STAU1: variants seen among roughly 807,000 people sequenced by gnomAD.
STAU1 encodes the protein staufen double-stranded RNA binding protein 1.
In STAU1, 13 loss-of-function variants were observed where a neutral mutation model predicts 62.9. The observed-to-expected ratio is 0.21, with a 90% CI of 0.13 to 0.33. STAU1 has a LOEUF of 0.33. STAU1 is among the 10% of genes least tolerant of loss of function. The pLI is 1.00. For missense variants in STAU1, 571 were observed against 712.1 expected, an observed-to-expected ratio of 0.80 and a Z score of 2.25; for synonymous variants, 269 against 265.1, an observed-to-expected ratio of 1.01 and a Z score of -0.14.
At chr20:49,203,889 G>A in the STAU1 span, among the ~76,000 whole-genome samples, 1 of 152,136 alleles carries the variant, frequency 6.6e-6, no homozygotes, top group Non-Finnish European at 1.5e-5. Context: ...GTTTCATCAT[G>A]TTGGCCAGAC....
intron 2 of STAU1, among the ~76,000 whole-genome samples, chr20:49,171,215 C>T (rs1216129585): frequency 1.3e-5 from 2 of 152,234 alleles, no homozygotes; most frequent in Admixed American, 1.3e-4. Flanking sequence ...GAATAAACCA[C>T]TTTTTCTACA....
At chr20:49,128,063 C>T (rs200901525) in intron 6 of STAU1, among the ~76,000 whole-genome samples, 2 of 151,750 alleles carry the variant, frequency 1.3e-5, no homozygotes, top group East Asian at 2.0e-4. Context: ...GCAGGAGAAT[C>T]GCTTGAACCC....
At chr20:49,120,419 C>T (rs1168322183) in intron 8 of STAU1, among the ~76,000 whole-genome samples, 1 of 152,166 alleles carries the variant, frequency 6.6e-6, no homozygotes, top group Non-Finnish European at 1.5e-5. Context: ...AGGGTCTGCC[C>T]AGCTATTGCA....
At chr20:49,196,395 CCACTG>C in the STAU1 span, among the ~76,000 whole-genome samples, 1 of 150,036 alleles carries the variant, frequency 6.7e-6, no homozygotes, top group East Asian at 1.9e-4. Context: ...TGAGATCGCG[CCACTG>C]CACTCCAGCC....
chr20:49,168,609 C>A (rs2093557320), intron 2 of STAU1, among the ~76,000 whole-genome samples: 1 of 151,630 alleles, frequency 6.6e-6, no homozygotes, highest in South Asian at 2.1e-4. Context: ...GAAAATGCAA[C>A]AAACAATACT....
intron 1 of STAU1, among the ~76,000 whole-genome samples, chr20:49,175,948 C>T (rs1600860474): frequency 6.6e-6 from 1 of 152,198 alleles, no homozygotes; most frequent in African/African-American, 2.4e-5. Flanking sequence ...GCGCCCGCCA[C>T]CTCGCCCGGC....
intron 5 of STAU1, among the ~76,000 whole-genome samples, chr20:49,142,731 T>TAGGAACAAAGCAGCCAGTA (rs1255547133): frequency 6.6e-6 from 1 of 152,196 alleles, no homozygotes; most frequent in Non-Finnish European, 1.5e-5. Context: ...GGAGTATCAT[T>TAGGAACAAAGCAGCCAGTA]AGGAACAAAG....
intron 13 of STAU1, among the ~76,000 whole-genome samples, chr20:49,115,364 T>G (rs2092293614): frequency 6.6e-6 from 1 of 152,010 alleles, no homozygotes; most frequent in African/African-American, 2.4e-5. Context: ...GCAGTGGCGC[T>G]ATGTCGGCTC....
intron 5 of STAU1, among the ~76,000 whole-genome samples, chr20:49,141,290 T>C (rs1442934750): frequency 2.0e-5 from 3 of 152,156 alleles, no homozygotes; most frequent in African/African-American, 7.2e-5. Context: ...TTTTTTTCTG[T>C]TTTAAGAAAA....
chr20:49,191,727 A>G (rs370898011), upstream of STAU1, among the ~76,000 whole-genome samples: 9 of 152,274 alleles, frequency 5.9e-5, no homozygotes, highest in African/African-American at 2.2e-4. Context: ...GGGATATATC[A>G]GAATCTAAGA....
chr20:49,164,378 G>A (rs565695173), intron 3 of STAU1, among the ~76,000 whole-genome samples: 2 of 151,874 alleles, frequency 1.3e-5, no homozygotes, highest in South Asian at 4.2e-4. Flanking sequence ...ACAGCTCATG[G>A]CAGCCTCGAC....
chr20:49,172,416 T>G (rs1380098162), intron 2 of STAU1, among the ~76,000 whole-genome samples: 3 of 152,240 alleles, frequency 2.0e-5, no homozygotes, highest in Non-Finnish European at 4.4e-5. Context: ...TAATCTAAAC[T>G]TATACAAACA....
Position 49,119,913 on chromosome 20 carries a change from T to C in STAU1, c.1113+69A>G. On this transcript the variant is annotated intron_variant, in intron 9 of 13. Transcript: ENST00000371856. Reference sequence around the variant, plus strand: ...AAAGCCTTGCCTTGAAGCCTGCCCCTGGAGGTGCCCCAGTTCCCTAGGGTG... The same window carrying C: ...AAAGCCTTGCCTTGAAGCCTGCCCCCGGAGGTGCCCCAGTTCCCTAGGGTG... 1.9e-6 allele frequency: 3 copies of C among 1,556,112 alleles called. No individual in the cohort carries two copies. The South Asian group carries it at 3.6e-5, about 19-fold the overall frequency.
intron 5 of STAU1, among the ~76,000 whole-genome samples, chr20:49,149,417 C>T (rs1208376393): frequency 1.3e-5 from 2 of 152,050 alleles, no homozygotes; most frequent in Admixed American, 1.3e-4. Context: ...ATTAGAATCC[C>T]GGGGTTGGGC....
the STAU1 span, among the ~76,000 whole-genome samples, chr20:49,199,518 C>T: frequency 1.3e-5 from 2 of 151,374 alleles, no homozygotes; most frequent in Non-Finnish European, 2.9e-5. Context: ...CCTGAGCCAC[C>T]GCGCCCGGCC....
chr20:49,197,928 C>T, the STAU1 span, among the ~76,000 whole-genome samples: 1 of 152,092 alleles, frequency 6.6e-6, no homozygotes, highest in Non-Finnish European at 1.5e-5. Flanking sequence ...AGGCTGGTCT[C>T]TAACTCCTGG....
chr20:49,219,040 CA>C, the STAU1 span, among the ~76,000 whole-genome samples: 3 of 132,368 alleles, frequency 2.3e-5, no homozygotes, highest in East Asian at 2.2e-4. Context: ...AAAAAAAAGA[CA>C]AAAAATTACT....
At chr20:49,128,141 C>T (rs562947780) in intron 6 of STAU1, among the ~76,000 whole-genome samples, 1 of 149,352 alleles carries the variant, frequency 6.7e-6, no homozygotes, top group East Asian at 2.0e-4. Context: ...AAGAGCGAAA[C>T]TCTGTCTCAG....
chr20:49,213,196 C>G, the STAU1 span, among the ~76,000 whole-genome samples: 1 of 151,452 alleles, frequency 6.6e-6, no homozygotes, highest in East Asian at 1.9e-4. Context: ...GTATTTTTTG[C>G]AGCAATGGGG....
Sources: allele counts gnomAD v4.1 joint callset (sites outside exome capture counted in the v4.1 genomes callset), GRCh38; gene constraint gnomAD v4.1.1; transcripts MANE v1.5; gene names NCBI Gene and HGNC (gene_info 2026-07-23, HGNC 2026-07-21).